Variants in MYH14 observed in about 807,000 individuals in gnomAD.
MYH14 encodes myosin-14.
MYH14 carries 123 observed loss-of-function variants against 255.5 expected under a neutral mutation model. The ratio of observed to expected loss-of-function variants is 0.48; its 90% CI spans 0.42 to 0.56. The LOEUF (loss-of-function observed/expected upper bound fraction) is 0.56, where lower values mean the gene tolerates loss of function less well. Among genes scored for constraint, MYH14 ranks in the 20% least tolerant of loss-of-function variants. MYH14 has a pLI of 0.00. For synonymous variants in MYH14, 1,095 were observed against 1,161.2 expected (o/e 0.94, Z 1.16); for missense variants, 2,423 against 2,802.3 (o/e 0.86, Z 3.06).
At chr19:50,273,187 A>G (rs1286863473) in intron 27 of MYH14, among the ~76,000 whole-genome samples, 3 of 149,688 alleles carry the variant, frequency 2.0e-5, no homozygotes, top group Non-Finnish European at 4.4e-5. Flanking sequence ...GCTACTCAGG[A>G]GACTTAAGCA....
intron 34 of MYH14, among the ~76,000 whole-genome samples, chr19:50,288,272 C>T (rs1207485048): frequency 2.0e-5 from 3 of 152,184 alleles, no homozygotes; most frequent in Admixed American, 6.5e-5. Flanking sequence ...CAACGTGCTT[C>T]TAGGAGTCCA....
At chr19:50,255,552 C>T (rs940843660) in intron 17 of MYH14, among the ~76,000 whole-genome samples, 16 of 152,260 alleles carry the variant, frequency 1.1e-4, no homozygotes, top group Non-Finnish European at 2.2e-4. Context: ...AGTACCAGCT[C>T]GCGTTTCTTG....
Position 50,260,760 on chromosome 19 carries a change from T to C in MYH14, c.2424+45T>C, listed in dbSNP as rs533356768. The C allele has an allele frequency of 2.6e-3, 3,453 of 1,304,026 alleles. 52 individuals carry two copies. The highest frequency in any genetic ancestry group is 3.2e-3 in the Non-Finnish European group (2,941 of 915,322). 80.8% of individuals were successfully genotyped at this position (1,304,026 alleles called of 1,614,324 possible). ...GAATGCGTGTGTGCGTGTGTGTGTG[T>C]GCGTGCATGAGTGTGCGTGCATGTG... On this transcript the variant is annotated intron_variant, in intron 20 of 42. Coordinates refer to ENST00000642316, the MANE Select transcript of MYH14 (RefSeq NM_001145809.2).
chr19:50,257,527 G>T (rs775559387), intron 18 of MYH14, 41 bp downstream of exon 18: 19 of 1,555,660 alleles, frequency 1.2e-5, no homozygotes, highest in Non-Finnish European at 1.6e-5. Context: ...GGCTGTGGCT[G>T]TGGGTTAAGG....
intron 22 of MYH14, among the ~76,000 whole-genome samples, chr19:50,264,329 C>G (rs2035005052): frequency 6.6e-6 from 1 of 152,188 alleles, no homozygotes; most frequent in Non-Finnish European, 1.5e-5. Context: ...TACTCAGTCT[C>G]CAGCCCCTCC....
chr19:50,227,345 C>T (rs1164539158), intron 8 of MYH14, among the ~76,000 whole-genome samples: 3 of 152,138 alleles, frequency 2.0e-5, no homozygotes, highest in African/African-American at 7.2e-5. Flanking sequence ...CCAGCAGAGG[C>T]ACACAGGACA....
At chr19:50,281,559 G>A (rs376040399) in intron 32 of MYH14, 35 bp from the exon 33 acceptor site, 26 of 1,541,106 alleles carry the variant, frequency 1.7e-5, no homozygotes, top group South Asian at 1.4e-4. Context: ...ACTCATGGCC[G>A]TGACCACCAA....
chr19:50,225,278 C>T (rs1052097637), intron 6 of MYH14, among the ~76,000 whole-genome samples: 15 of 152,164 alleles, frequency 9.9e-5, no homozygotes, highest in African/African-American at 2.2e-4. Context: ...TGTTTTGTGG[C>T]GTTTCTTCCT....
chr19:50,294,379 T>G (rs377445785), intron 39 of MYH14, among the ~76,000 whole-genome samples: 1 of 150,982 alleles, frequency 6.6e-6, no homozygotes, highest in Admixed American at 6.6e-5. Flanking sequence ...GACAACAGAG[T>G]GATGGGATTT....
At chr19:50,208,138 G>A (rs1231965488) in intron 1 of MYH14, among the ~76,000 whole-genome samples, 1 of 152,180 alleles carries the variant, frequency 6.6e-6, no homozygotes, top group East Asian at 1.9e-4. Flanking sequence ...TATCTGGCCG[G>A]GCATGGTGGC....
intron 41 of MYH14, among the ~76,000 whole-genome samples, chr19:50,307,476 A>G (rs1351970444): frequency 6.6e-6 from 1 of 152,164 alleles, no homozygotes. Flanking sequence ...TGCTAAAGAC[A>G]TAACATTTAC....
chr19:50,259,314 C>T, intron 19 of MYH14, 49 bp downstream of exon 19: 7 of 1,547,340 alleles, frequency 4.5e-6, no homozygotes, highest in Non-Finnish European at 6.1e-6. Context: ...GGGTGGGACC[C>T]GGGTCTGGAA....
At chr19:50,247,738 G>C (rs1568495420) in intron 12 of MYH14, among the ~76,000 whole-genome samples, 1 of 151,982 alleles carries the variant, frequency 6.6e-6, no homozygotes. Flanking sequence ...AAGGCCCTGG[G>C]GGTGGAGCAG....
chr19:50,244,734 C>T (rs955376957), intron 11 of MYH14, among the ~76,000 whole-genome samples: 10 of 152,128 alleles, frequency 6.6e-5, no homozygotes, highest in Non-Finnish European at 1.5e-4. Flanking sequence ...CTGCCCACCT[C>T]GGCCTCCCAA....
Position 50,301,859 on chromosome 19 carries a change from C to G in MYH14, c.5668C>G (p.Gln1890Glu). 6.2e-7 allele frequency: 1 copy of G among 1,611,630 alleles called. No individual in the cohort carries two copies. Among genetic ancestry groups the G allele is most frequent in the Non-Finnish European group, 8.5e-7 (1 of 1,178,882 alleles). ...GGCCCAGGCTGAGGAGCAGCTAGAG[C>G]AAGAGACCAGGTAGGTGAGAGCGGA... ...KLAQAEEQLE[Q>E]ETRERILSGK... Residue 1890 changes from glutamine (Q) to glutamate (E), a missense_variant, in exon 40 of 43, where the codon CAA becomes GAA. Around this residue, in one of 3 missense-constraint regions of MYH14, gnomAD observed 1,513 missense variants for 1,674.8 expected, o/e 0.90. Transcript: ENST00000642316.
At chr19:50,257,653 T>A (rs1326303617) in intron 18 of MYH14, among the ~76,000 whole-genome samples, 167 bp downstream of exon 18, 2 of 152,224 alleles carry the variant, frequency 1.3e-5, no homozygotes, top group Non-Finnish European at 2.9e-5. Flanking sequence ...GGAAAATTCA[T>A]GCATTCATAT....
At chr19:50,267,623 A>AAATAATAATAATAATAAT (rs56141769) in intron 23 of MYH14, among the ~76,000 whole-genome samples, 3,653 of 149,150 alleles carry the variant, frequency 0.024, 110 homozygotes, top group South Asian at 0.059. Flanking sequence ...TCTGTCTCAA[A>AAATAATAATAATAATAAT]AATAATAATA....
rs1568458285 is a variant in MYH14, at chr19:50,207,256, AAAGAGAGAGAGAGACAGAG to A, written c.-3-3105_-3-3087del. Among the ~76,000 whole-genome samples, 740 of 135,704 alleles carry A rather than the reference AAAGAGAGAGAGAGACAGAG, an allele frequency of 5.5e-3. 10 individuals carry two copies. The highest frequency in any genetic ancestry group is 0.018 in the African/African-American group (622 of 34,986). The allele number at this position is 135,704 out of a possible 152,430, so 89.0% of individuals were successfully genotyped here. Reference sequence around the variant, plus strand: ...AGAAAAAAGAGAGAGAGAGAGAGAGAAAGAGAGAGAGAGACAGAGAGAGAGAGAGAGAGAGAGAGAGAGA... The same window carrying A: ...AGAAAAAAGAGAGAGAGAGAGAGAGAAGAGAGAGAGAGAGAGAGAGAGAGA... On this transcript the variant is annotated intron_variant, in intron 1 of 42. Coordinates refer to ENST00000642316, the MANE Select transcript of MYH14 (RefSeq NM_001145809.2).
chr19:50,279,345 A>T (rs2035627037), intron 30 of MYH14, among the ~76,000 whole-genome samples: 1 of 152,116 alleles, frequency 6.6e-6, no homozygotes, highest in African/African-American at 2.4e-5. Context: ...AATTTTTAAA[A>T]CACCAGCTGG....
Sources: allele counts gnomAD v4.1 joint callset (sites outside exome capture counted in the v4.1 genomes callset), GRCh38; gene constraint gnomAD v4.1.1; regional missense constraint gnomAD v4.1.1; transcripts MANE v1.5; gene names NCBI Gene and HGNC (gene_info 2026-07-23, HGNC 2026-07-21).